Variants in ZNF570 observed in about 807,000 individuals in gnomAD.
The protein encoded by ZNF570 is zinc finger protein 570.
ZNF570 carries 8 observed loss-of-function variants against 14.2 expected under a neutral mutation model. That is an observed-to-expected ratio of 0.56 (90% CI 0.33 to 1.02). The LOEUF (loss-of-function observed/expected upper bound fraction) is 1.02, where lower values mean the gene tolerates loss of function less well. Ranked by LOEUF, ZNF570 falls within the 50% of genes least tolerant of loss-of-function variation. The probability of loss-of-function intolerance (pLI) is 0.03; values close to 1 mark genes in which losing one functional copy is unlikely to be tolerated. For synonymous variants in ZNF570, 202 were observed against 207.6 expected (o/e 0.97, Z 0.23); for missense variants, 559 against 624.9 (o/e 0.89, Z 1.12).
chr19:37,482,174 G>A (rs1482299742), intron 4 of ZNF570, among the ~76,000 whole-genome samples: 1 of 152,136 alleles, frequency 6.6e-6, no homozygotes, highest in Non-Finnish European at 1.5e-5. Context: ...TGATTTCATG[G>A]AATAGCAACC....
Position 37,484,672 on chromosome 19 carries a change from A to G in ZNF570, c.1050A>G (p.Arg350=), listed in dbSNP as rs755177301. 12 of 1,614,070 alleles carry G rather than the reference A, an allele frequency of 7.4e-6. No homozygotes were observed. The South Asian group carries it at 1.1e-4, about 15-fold the overall frequency. Residue 350 remains arginine, a synonymous_variant, in exon 5 of 5, where the codon AGA becomes AGG. Transcript: ENST00000330173. The part of the protein sequence containing the change: ...SNRSSIAQHQ[R]VHTGEKPYEC... ...GATCATCCATTGCTCAACACCAGAG[A>G]GTTCATACAGGAGAGAAACCCTATG...
rs371491053 is a variant in ZNF570, at chr19:37,475,865, A to G, written c.34-16A>G. 43 of 1,606,630 alleles carry G rather than the reference A, an allele frequency of 2.7e-5. 1 individual carries two copies. The highest frequency in any genetic ancestry group is 1.9e-4 in the African/African-American group (14 of 74,728). On this transcript the variant is annotated splice_polypyrimidine_tract_variant and intron_variant, in intron 2 of 4. Coordinates refer to ENST00000330173, the MANE Select transcript of ZNF570 (RefSeq NM_144694.5). ...ATATGGTAAGAGATAAGGTTCTTCC[A>G]TTTATTTCATTTCAGGAGTTGGTGA...
intron 4 of ZNF570, among the ~76,000 whole-genome samples, chr19:37,480,965 C>A (rs927720212): frequency 1.3e-5 from 2 of 151,528 alleles, no homozygotes; most frequent in African/African-American, 2.4e-5. Flanking sequence ...AAAAACAAAA[C>A]AAAAAATTAT....
intron 4 of ZNF570, among the ~76,000 whole-genome samples, chr19:37,481,684 T>C (rs1232974839): frequency 1.3e-5 from 2 of 152,228 alleles, no homozygotes; most frequent in Non-Finnish European, 2.9e-5. Context: ...TAATGGACTC[T>C]GGGTAATTAT....
Position 37,487,194 on chromosome 19 carries a change from T to G in ZNF570, c.*1961T>G. On this transcript the variant is annotated 3_prime_UTR_variant, in exon 5 of 5. Coordinates refer to ENST00000330173, the MANE Select transcript of ZNF570 (RefSeq NM_144694.5). Reference sequence around the variant, plus strand: ...CCCAGCCTGGGCAATACAGCAAGACTCCATCTCAAAAAAAAAAAAAAAAAA... The same window carrying G: ...CCCAGCCTGGGCAATACAGCAAGACGCCATCTCAAAAAAAAAAAAAAAAAA... 1.2e-5 allele frequency: 1 copy of G among 84,246 alleles called. No homozygotes were observed. Among genetic ancestry groups the G allele is most frequent in the Admixed American group, 2.1e-4 (1 of 4,702 alleles). The allele number at this position is 84,246 out of a possible 1,614,324, so 5.2% of individuals were successfully genotyped here.
intron 4 of ZNF570, among the ~76,000 whole-genome samples, chr19:37,477,533 G>A (rs898604584): frequency 2.0e-5 from 3 of 151,566 alleles, no homozygotes; most frequent in African/African-American, 7.3e-5. Context: ...GTAGAGACGA[G>A]GTTTCACCAT....
At chr19:37,479,230 C>T (rs1297722846) in intron 4 of ZNF570, among the ~76,000 whole-genome samples, 1 of 151,912 alleles carries the variant, frequency 6.6e-6, no homozygotes, top group Non-Finnish European at 1.5e-5. Context: ...AGTTTTCAAA[C>T]TTATTAGATG....
In ZNF570 at chr19:37,471,009, A is replaced by AT. The variant is rs764609936; in HGVS notation, c.33+642dup. On this transcript the variant is annotated intron_variant, in intron 2 of 4. Transcript: ENST00000330173. ...GCTACCATGCCTGGCCAGTGAGTAC[A>AT]TTTTTTTTTTTTTTTTTTTTGTTGA... is the stretch of plus-strand genomic sequence containing the variant. Among the ~76,000 whole-genome samples, 458 of 84,384 alleles carry AT rather than the reference A, an allele frequency of 5.4e-3. 5 individuals carry two copies. The highest frequency in any genetic ancestry group is 0.01 in the Middle Eastern group (1 of 100). 55.4% of individuals were successfully genotyped at this position (84,384 alleles called of 152,430 possible).
chr19:37,468,089 GT>G (rs2041881286), upstream of ZNF570: 17 of 684,304 alleles, frequency 2.5e-5, no homozygotes, highest in African/African-American at 2.1e-4. Flanking sequence ...TTTTTTGTTT[GT>G]TTTGTTTTTT....
chr19:37,479,097 A>C (rs1288145643), intron 4 of ZNF570, among the ~76,000 whole-genome samples: 1 of 145,762 alleles, frequency 6.9e-6, no homozygotes, highest in Non-Finnish European at 1.6e-5. Flanking sequence ...TTGGCTTGGA[A>C]TTTTTATTGT....
chr19:37,468,097 T>TC (rs1390625835), upstream of ZNF570: 32 of 678,744 alleles, frequency 4.7e-5, no homozygotes, highest in Non-Finnish European at 7.6e-5. Context: ...TTGTTTTGTT[T>TC]TTTTTGAGGC....
At chr19:37,469,220 G>A (rs1385274732), upstream of ZNF570, 5 of 1,320,262 alleles carry the variant, frequency 3.8e-6, no homozygotes, top group South Asian at 5.2e-5. Context: ...TACAAACCCT[G>A]CGCGGAGCTG....
At chr19:37,481,157 A>AT (rs750442610) in intron 4 of ZNF570, among the ~76,000 whole-genome samples, 9,018 of 144,586 alleles carry the variant, frequency 0.062, 619 homozygotes, top group African/African-American at 0.17. Context: ...AGATTGACAG[A>AT]TTTTTTTTTT....
intron 4 of ZNF570, 190 bp downstream of exon 4, chr19:37,476,624 A>C (rs2042027300): frequency 1.3e-6 from 1 of 774,206 alleles, no homozygotes; most frequent in African/African-American, 1.8e-5. Context: ...TTACTTTCCT[A>C]TCTCCTTTCT....
rs780749207 is a variant in ZNF570 at position 37,485,242 on chromosome 19, T to A, written c.*9T>A. 1.3e-6 allele frequency: 2 copies of A among 1,523,444 alleles called. No individual in the cohort carries two copies. Among genetic ancestry groups the A allele is most frequent in the Non-Finnish European group, 1.8e-6 (2 of 1,139,246 alleles). 94.4% of individuals were successfully genotyped at this position (1,523,444 alleles called of 1,614,324 possible). ...ATCACCAAGTCCTATAGATCCTGAG[T>A]CCTAAATGTTTCTAGAATTTATACT... On this transcript the variant is annotated 3_prime_UTR_variant, in exon 5 of 5. Transcript: ENST00000330173.
At chr19:37,474,010 G>C (rs1437020113) in intron 2 of ZNF570, among the ~76,000 whole-genome samples, 1 of 152,196 alleles carries the variant, frequency 6.6e-6, no homozygotes, top group Non-Finnish European at 1.5e-5. Flanking sequence ...TGTGGTACAA[G>C]GAATGTGGGG....
chr19:37,471,757 A>C (rs1425613911), intron 2 of ZNF570, among the ~76,000 whole-genome samples: 1 of 152,060 alleles, frequency 6.6e-6, no homozygotes, highest in Non-Finnish European at 1.5e-5. Flanking sequence ...TGGTAGCATC[A>C]CTCTGGTTGC....
chr19:37,481,076 G>T (rs1426786922), intron 4 of ZNF570, among the ~76,000 whole-genome samples: 7 of 151,342 alleles, frequency 4.6e-5, no homozygotes, highest in Non-Finnish European at 1.0e-4. Flanking sequence ...AACTTTTATT[G>T]TTGTTATGTT....
chr19:37,484,311 G>A lies in ZNF570; in HGVS notation c.689G>A (p.Ser230Asn), dbSNP rs1404897660. Residue 230 changes from serine (S) to asparagine (N), a missense_variant, in exon 5 of 5, where the codon AGT becomes AAT. Ser to Asn is a conservative substitution (Grantham distance 46). Coordinates refer to ENST00000330173, the MANE Select transcript of ZNF570 (RefSeq NM_144694.5). ...GACTGTGAAAAAGTCTTCAGCCAGA[G>A]TTCATCCCTTACTCTTCATCAAAGA... The part of the protein sequence containing the change: ...CNDCEKVFSQ[S>N]SSLTLHQRIH... 8 of 1,613,892 alleles carry A rather than the reference G, an allele frequency of 5.0e-6. No individual in the cohort carries two copies. The highest frequency in any genetic ancestry group is 5.1e-6 in the Non-Finnish European group (6 of 1,179,974).
Sources: allele counts gnomAD v4.1 joint callset (sites outside exome capture counted in the v4.1 genomes callset), GRCh38; gene constraint gnomAD v4.1.1; transcripts MANE v1.5; gene names NCBI Gene and HGNC (gene_info 2026-07-23, HGNC 2026-07-21).